The following KCNIP4 variants were observed in gnomAD, a reference collection of about 807,000 sequenced individuals.
KCNIP4 encodes the protein Kv channel-interacting protein 4.
Under a neutral mutation model 34.0 loss-of-function variants are expected in KCNIP4, and 12 were observed. That is an observed-to-expected ratio of 0.35 (90% CI 0.23 to 0.57). The LOEUF (loss-of-function observed/expected upper bound fraction) is 0.57. Among genes scored for constraint, KCNIP4 ranks in the 20% least tolerant of loss-of-function variants. The pLI is 0.83. For missense variants in KCNIP4, 238 were observed against 311.7 expected (o/e 0.76, Z 1.78); for synonymous variants, 124 against 102.2 (o/e 1.21, Z -1.29).
chr4:20,863,164 A>G (rs556536767), intron 2 of KCNIP4, among the ~76,000 whole-genome samples: 1 of 152,248 alleles, frequency 6.6e-6, no homozygotes, highest in Non-Finnish European at 1.5e-5. Context: ...TTGTTACTCA[A>G]ATCAGTCTCC....
At chr4:21,607,194 T>C (rs1211738944) in intron 1 of KCNIP4, among the ~76,000 whole-genome samples, 2 of 150,736 alleles carry the variant, frequency 1.3e-5, no homozygotes, top group Non-Finnish European at 3.0e-5. Context: ...ATACTAACTA[T>C]GCAACTCTGG....
chr4:20,834,275 G>C (rs1416665913), intron 3 of KCNIP4, among the ~76,000 whole-genome samples: 1 of 152,182 alleles, frequency 6.6e-6, no homozygotes, highest in Non-Finnish European at 1.5e-5. Context: ...AGAGGGCTCA[G>C]TGGGGTGTCT....
In KCNIP4 at chr4:20,986,635, T is replaced by C. The variant is rs549168485; in HGVS notation, c.62-103926A>G. On this transcript the variant is annotated intron_variant, in intron 1 of 8. Transcript: ENST00000382152. ...AACCCAGAATTCAATCATTGCTTTG[T>C]CTGGCTTCCAAATTCACGCTTTTCC... 2.0e-5 allele frequency among the ~76,000 whole-genome samples: 3 copies of C among 152,354 alleles called. No individual in the cohort carries two copies. In the South Asian group the frequency reaches 6.2e-4, roughly 32 times the overall value.
chr4:21,667,873 T>C (rs954788259), intron 1 of KCNIP4, among the ~76,000 whole-genome samples: 1 of 152,238 alleles, frequency 6.6e-6, no homozygotes, highest in South Asian at 2.1e-4. Context: ...CTGCCCATCA[T>C]TGTACAGAGG....
intron 1 of KCNIP4, among the ~76,000 whole-genome samples, chr4:21,025,933 G>C (rs1216369575): frequency 6.6e-6 from 1 of 151,996 alleles, no homozygotes; most frequent in Non-Finnish European, 1.5e-5. Context: ...GCCTAGATTA[G>C]GCTTCAGTGA....
At chr4:21,709,810 A>G (rs763781721) in intron 1 of KCNIP4, among the ~76,000 whole-genome samples, 6 of 152,200 alleles carry the variant, frequency 3.9e-5, no homozygotes, top group Non-Finnish European at 7.3e-5. Context: ...ACCAGGTTAC[A>G]ATTCTCTTTA....
At chr4:20,820,351 G>A (rs1716949333) in intron 3 of KCNIP4, among the ~76,000 whole-genome samples, 2 of 152,342 alleles carry the variant, frequency 1.3e-5, no homozygotes, top group South Asian at 4.1e-4. Flanking sequence ...GTCAGAAGCT[G>A]TGAGCAATGA....
At chr4:21,038,571 CACT>C (rs1741668447) in intron 1 of KCNIP4, among the ~76,000 whole-genome samples, 1 of 152,134 alleles carries the variant, frequency 6.6e-6, no homozygotes, top group African/African-American at 2.4e-5. Flanking sequence ...CGAATCCCTT[CACT>C]AACATCCAGC....
chr4:21,563,845 G>C (rs888730736), intron 1 of KCNIP4, among the ~76,000 whole-genome samples: 7 of 152,048 alleles, frequency 4.6e-5, no homozygotes, highest in Non-Finnish European at 7.4e-5. Flanking sequence ...TAGGGGAGGA[G>C]ATAATGGATT....
chr4:21,319,876 T>C (rs1714186233), intron 1 of KCNIP4, among the ~76,000 whole-genome samples: 1 of 152,172 alleles, frequency 6.6e-6, no homozygotes, highest in Non-Finnish European at 1.5e-5. Context: ...ATTAGCAGTA[T>C]GGAATAGAAA....
rs180908763 is a variant in KCNIP4, at chr4:21,706,948, C to A, written c.61+241623G>T. Among the ~76,000 whole-genome samples, 7 of 152,294 alleles carry A rather than the reference C, an allele frequency of 4.6e-5. 1 individual carries two copies. In the East Asian group the frequency reaches 1.4e-3, roughly 29 times the overall value. On this transcript the variant is annotated intron_variant, in intron 1 of 8. Coordinates refer to ENST00000382152, the MANE Select transcript of KCNIP4 (RefSeq NM_025221.6). ...CTTGCTACTGTCCATTAGAGAGGAACTCCCCAGTGCCAGGTCCATTATTAT... is the reference window on the plus strand; with the variant it reads ...CTTGCTACTGTCCATTAGAGAGGAAATCCCCAGTGCCAGGTCCATTATTAT...
chr4:21,040,385 A>G (rs965746325), intron 1 of KCNIP4, among the ~76,000 whole-genome samples: 2 of 152,202 alleles, frequency 1.3e-5, no homozygotes, highest in African/African-American at 4.8e-5. Flanking sequence ...GCCACTTCTC[A>G]TGAACATCTT....
intron 3 of KCNIP4, among the ~76,000 whole-genome samples, chr4:20,781,195 T>TA (rs1211822617): frequency 2.6e-5 from 4 of 152,052 alleles, no homozygotes; most frequent in African/African-American, 4.8e-5. Context: ...GTGCAAAAAA[T>TA]AAAAAAAGAA....
chr4:21,522,478 G>A (rs1037339646), intron 1 of KCNIP4, among the ~76,000 whole-genome samples: 4 of 151,680 alleles, frequency 2.6e-5, no homozygotes, highest in South Asian at 2.1e-4. Context: ...GCGATCTTCC[G>A]GCCTCCTGAG....
intron 1 of KCNIP4, among the ~76,000 whole-genome samples, chr4:21,169,430 G>A (rs1451183831): frequency 6.6e-6 from 1 of 152,042 alleles, no homozygotes; most frequent in Non-Finnish European, 1.5e-5. Flanking sequence ...GAGATTACAG[G>A]TGTGTAATCT....
chr4:20,861,999 T>TATTATC (rs1722254338), intron 2 of KCNIP4, among the ~76,000 whole-genome samples: 1 of 149,680 alleles, frequency 6.7e-6, no homozygotes, highest in African/African-American at 2.5e-5. Flanking sequence ...TTATTATTAT[T>TATTATC]ATTATTATTG....
chr4:20,795,254 G>C (rs1713300743), intron 3 of KCNIP4, among the ~76,000 whole-genome samples: 1 of 152,040 alleles, frequency 6.6e-6, no homozygotes, highest in African/African-American at 2.4e-5. Flanking sequence ...ATCTTCTTAG[G>C]TATGTGATCC....
chr4:21,225,391 CTT>C, intron 1 of KCNIP4, among the ~76,000 whole-genome samples: 1 of 152,250 alleles, frequency 6.6e-6, no homozygotes, highest in African/African-American at 2.4e-5. Context: ...CTCCACAACT[CTT>C]TTATCCACAG....
chr4:21,528,781 AAGAAAGGAAGAAAGG>A (rs1736353723), intron 1 of KCNIP4, among the ~76,000 whole-genome samples: 1 of 19,174 alleles, frequency 5.2e-5, no homozygotes, highest in Admixed American at 5.1e-4. Context: ...GAAAGAAAGG[AAGAAAGGAAGAAAGG>A]AAGAAAGGAA....
Sources: gnomAD v4.1 joint callset for allele counts (sites outside exome capture counted in the v4.1 genomes callset) on GRCh38, gnomAD v4.1.1 for gene constraint, MANE v1.5 for transcripts, NCBI Gene and HGNC (gene_info 2026-07-23, HGNC 2026-07-21) for gene names.